The following TRMT6 variants were observed in gnomAD, a reference collection of about 807,000 sequenced individuals.
TRMT6 encodes tRNA (adenine(58)-N(1))-methyltransferase non-catalytic subunit TRM6.
A neutral mutation model predicts 59.0 loss-of-function variants in TRMT6; 34 were observed. The observed-to-expected ratio is 0.58, with a 90% CI of 0.44 to 0.77. TRMT6 has a LOEUF of 0.77. Ranked by LOEUF, TRMT6 falls within the 30% of genes least tolerant of loss-of-function variation. The pLI is 0.00. For missense variants in TRMT6, 575 were observed against 604.5 expected (o/e 0.95, Z 0.51); for synonymous variants, 217 against 210.5 (o/e 1.03, Z -0.27).
rs931943910 is a variant in TRMT6, at chr20:5,939,274, A to G, written c.1303-548T>C. ...GAGGCAGGTGGATCACAAGGTCAGGAGTTTGAGATCAGCCTGGCTAACATG... is the reference window on the plus strand; with the variant it reads ...GAGGCAGGTGGATCACAAGGTCAGGGGTTTGAGATCAGCCTGGCTAACATG... On this transcript the variant is annotated intron_variant, in intron 10 of 10. Transcript: ENST00000203001. 5.3e-4 allele frequency among the ~76,000 whole-genome samples: 81 copies of G among 152,224 alleles called. 2 individuals carry two copies. Among genetic ancestry groups the G allele is most frequent in the Non-Finnish European group, 2.6e-4 (18 of 68,004 alleles).
chr20:5,942,916 G>A (rs546818385), intron 6 of TRMT6, 130 bp from the exon 7 acceptor site: 3 of 719,828 alleles, frequency 4.2e-6, no homozygotes, highest in East Asian at 4.9e-5. Flanking sequence ...CTGAAGGATG[G>A]TGCAGCTCCT....
chr20:5,939,195 A>G (rs1003883329), intron 10 of TRMT6, among the ~76,000 whole-genome samples: 6 of 152,234 alleles, frequency 3.9e-5, no homozygotes, highest in African/African-American at 1.4e-4. Flanking sequence ...TTTGAAAAAT[A>G]AAACTGGCCG....
intron 2 of TRMT6, among the ~76,000 whole-genome samples, chr20:5,945,913 C>G (rs899332630): frequency 5.9e-5 from 9 of 152,130 alleles, no homozygotes; most frequent in Non-Finnish European, 1.0e-4. Flanking sequence ...TCATAGAACA[C>G]TCAATACAAC....
intron 1 of TRMT6, among the ~76,000 whole-genome samples, chr20:5,949,162 G>T (rs1351425407): frequency 6.6e-6 from 1 of 151,090 alleles, no homozygotes; most frequent in Non-Finnish European, 1.5e-5. Context: ...AGATCAGCCT[G>T]GCCAACATGG....
Position 5,950,371 on chromosome 20 carries a change from G to C in TRMT6, c.35C>G (p.Pro12Arg). The change falls in exon 1 of 11, where the codon CCA becomes CGA. Residue 12 changes from proline (P) to arginine (R), a missense_variant. Pro to Arg is a moderately radical substitution (Grantham distance 103, BLOSUM62 -2). Transcript: ENST00000203001. ...GATGCGGTGGTCTCCGGGATGCTGT[G>C]GTTGTGGGCCCGGCTGCTCCCCTGA... ...EGSGEQPGPQ[P>R]QHPGDHRIRD... The C allele has an allele frequency of 6.2e-7, 1 of 1,609,088 alleles. No individual in the cohort carries two copies. Among genetic ancestry groups the C allele is most frequent in the Non-Finnish European group, 8.5e-7 (1 of 1,179,862 alleles).
At position 5,938,505 on chromosome 20, in the gene TRMT6, G is replaced by C; in HGVS notation, c.*30C>G. 1 of 1,596,320 alleles carries C rather than the reference G, an allele frequency of 6.3e-7. No individual in the cohort carries two copies. Among genetic ancestry groups the C allele is most frequent in the Non-Finnish European group, 8.5e-7 (1 of 1,170,222 alleles). ...TAATTACTAACTGTATAATGCCTGA[G>C]AACAAAATTCAGAGCAATTCTCAAA... On this transcript the variant is annotated 3_prime_UTR_variant, in exon 11 of 11. Transcript: ENST00000203001.
chr20:5,943,450 T>A, intron 6 of TRMT6, 109 bp downstream of exon 6: 1 of 1,442,034 alleles, frequency 6.9e-7, no homozygotes, highest in South Asian at 1.3e-5. Flanking sequence ...CAAGTCACTT[T>A]GTTAACCCTG....
intron 1 of TRMT6, among the ~76,000 whole-genome samples, chr20:5,947,479 T>C (rs1433432241): frequency 6.6e-6 from 1 of 152,238 alleles, no homozygotes; most frequent in African/African-American, 2.4e-5. Context: ...CCATTGCTGG[T>C]CTCTGGGTGT....
intron 6 of TRMT6, among the ~76,000 whole-genome samples, 182 bp downstream of exon 6, chr20:5,943,377 G>C (rs542853757): frequency 6.6e-6 from 1 of 152,292 alleles, no homozygotes; most frequent in Non-Finnish European, 1.5e-5. Context: ...ACCCATGGGT[G>C]GGGGGCTGGG....
chr20:5,947,219 AC>A (rs1568560418), intron 1 of TRMT6, among the ~76,000 whole-genome samples: 1 of 152,170 alleles, frequency 6.6e-6, no homozygotes, highest in Non-Finnish European at 1.5e-5. Context: ...TCTGTGTCTG[AC>A]CCCAAGCCTC....
chr20:5,937,863 T>C lies in TRMT6; in HGVS notation c.*672A>G, dbSNP rs912310080. ...AAGACATTTGTTTCCTTTAATTGAA[T>C]AGTACACAAAAATTCTAGTCACTTT... On this transcript the variant is annotated 3_prime_UTR_variant, in exon 11 of 11. Coordinates refer to ENST00000203001, the MANE Select transcript of TRMT6 (RefSeq NM_015939.5). The C allele has an allele frequency of 2.0e-5, 3 of 152,206 alleles. No individual in the cohort carries two copies. The highest frequency in any genetic ancestry group is 1.9e-4 in the East Asian group (1 of 5,198). 9.4% of individuals were successfully genotyped at this position (152,206 alleles called of 1,614,324 possible). A position where few individuals can be genotyped will look rare whatever the true frequency, so the allele number is the denominator to read the frequency against.
chr20:5,941,878 A>G lies in TRMT6; in HGVS notation c.1112+73T>C. On this transcript the variant is annotated intron_variant, in intron 8 of 10. Transcript: ENST00000203001. ...ACTAGAGTCAAAGCAGACAAGGAGA[A>G]AGAGAATGCCAATCTGTCTGAAGCA... is the stretch of plus-strand genomic sequence containing the variant. 6.2e-6 allele frequency: 8 copies of G among 1,290,130 alleles called. No homozygotes were observed. The South Asian group carries it at 1.0e-4, about 16-fold the overall frequency. 79.9% of individuals were successfully genotyped at this position (1,290,130 alleles called of 1,614,324 possible).
chr20:5,940,994 T>G (rs2088650806), intron 10 of TRMT6, 59 bp downstream of exon 10: 1 of 1,305,532 alleles, frequency 7.7e-7, no homozygotes, highest in African/African-American at 1.5e-5. Context: ...CTAGTACTAC[T>G]GCAAGGAAAG....
At chr20:5,948,908 A>C (rs2088736177) in intron 1 of TRMT6, among the ~76,000 whole-genome samples, 1 of 152,236 alleles carries the variant, frequency 6.6e-6, no homozygotes, top group Non-Finnish European at 1.5e-5. Context: ...AATACCAGTC[A>C]ACAGTTTGCT....
At position 5,950,223 on chromosome 20, in the gene TRMT6, G is replaced by A. The variant is rs1600229559; in HGVS notation, c.128+55C>T. The A allele has an allele frequency of 5.4e-6, 8 of 1,495,294 alleles. No individual in the cohort carries two copies. The East Asian group carries it at 1.3e-4, about 24-fold the overall frequency. The allele number at this position is 1,495,294 out of a possible 1,614,324, so 92.6% of individuals were successfully genotyped here. ...AATTCTGTGGAGAAACCTGGAGGGA[G>A]GGGGTATCTACAAGGTGGGGGCGGG... On this transcript the variant is annotated intron_variant, in intron 1 of 10. Transcript: ENST00000203001.
intron 10 of TRMT6, among the ~76,000 whole-genome samples, chr20:5,940,611 C>G (rs922777779): frequency 1.3e-5 from 2 of 152,074 alleles, no homozygotes; most frequent in African/African-American, 2.4e-5. Context: ...ACAGAGACAT[C>G]TCTATTTTTA....
At position 5,938,314 on chromosome 20, in the gene TRMT6, T is replaced by C. The variant is rs1209469691; in HGVS notation, c.*221A>G. The C allele has an allele frequency of 2.2e-6, 1 of 454,418 alleles. No individual in the cohort carries two copies. The highest frequency in any genetic ancestry group is 3.1e-5 in the East Asian group (1 of 31,984). 28.1% of individuals were successfully genotyped at this position (454,418 alleles called of 1,614,324 possible). ...AAGTACTTAGAGGAGTTTTGTTAAA[T>C]GCAGTTGGTCATACTACATACCCCA... is the stretch of plus-strand genomic sequence containing the variant. On this transcript the variant is annotated 3_prime_UTR_variant, in exon 11 of 11. Coordinates refer to ENST00000203001, the MANE Select transcript of TRMT6 (RefSeq NM_015939.5).
chr20:5,941,393 G>C (rs2088654812), intron 8 of TRMT6, 48 bp from the exon 9 acceptor site: 2 of 1,377,640 alleles, frequency 1.5e-6, no homozygotes, highest in African/African-American at 2.9e-5. Context: ...CCTCAAAGTG[G>C]AGCACAGGTT....
At chr20:5,941,411 G>A in intron 8 of TRMT6, 66 bp from the exon 9 acceptor site, 2 of 1,143,350 alleles carry the variant, frequency 1.7e-6, no homozygotes, top group South Asian at 1.3e-5. Context: ...GTTTTAAAAT[G>A]CATTTAAAAT....
Sources: gnomAD v4.1 joint callset for allele counts (sites outside exome capture counted in the v4.1 genomes callset) on GRCh38, gnomAD v4.1.1 for gene constraint, MANE v1.5 for transcripts, NCBI Gene and HGNC (gene_info 2026-07-23, HGNC 2026-07-21) for gene names.